DYNC2H1: variants seen among roughly 807,000 people sequenced by gnomAD.
DYNC2H1 encodes the protein cytoplasmic dynein 2 heavy chain 1.
Under a neutral mutation model 570.0 loss-of-function variants are expected in DYNC2H1, and 410 were observed. That is an observed-to-expected ratio of 0.72 (90% CI 0.66 to 0.78). DYNC2H1 has a LOEUF of 0.78. DYNC2H1 is among the 30% of genes least tolerant of loss of function. DYNC2H1 has a pLI of 0.00. For missense variants in DYNC2H1, 4,865 were observed against 5,046.4 expected (o/e 0.96, Z 1.09); for synonymous variants, 1,688 against 1,677.6 (o/e 1.01, Z -0.15).
chr11:103,210,577 A>C (rs187266481), intron 53 of DYNC2H1, among the ~76,000 whole-genome samples: 3 of 152,046 alleles, frequency 2.0e-5, no homozygotes, highest in Admixed American at 6.6e-5. Flanking sequence ...TATAAACATA[A>C]ATTTCTGATA....
intron 84 of DYNC2H1, among the ~76,000 whole-genome samples, chr11:103,426,074 G>T (rs974408381): frequency 3.3e-5 from 5 of 151,074 alleles, no homozygotes; most frequent in African/African-American, 1.2e-4. Flanking sequence ...ATGGCTTAAG[G>T]CGTTCCTAAA....
At chr11:103,448,389 C>T (rs771379777) in intron 85 of DYNC2H1, among the ~76,000 whole-genome samples, 1 of 152,118 alleles carries the variant, frequency 6.6e-6, no homozygotes, top group Non-Finnish European at 1.5e-5. Flanking sequence ...ACAGGAAAAT[C>T]TTATCCCATT....
chr11:103,281,236 C>G (rs1261340451), intron 71 of DYNC2H1, among the ~76,000 whole-genome samples: 1 of 152,090 alleles, frequency 6.6e-6, no homozygotes, highest in African/African-American at 2.4e-5. Flanking sequence ...TCCACATGCA[C>G]TGACATGTAT....
chr11:103,347,784 A>G (rs550634367), intron 82 of DYNC2H1, among the ~76,000 whole-genome samples: 4 of 152,154 alleles, frequency 2.6e-5, no homozygotes, highest in Admixed American at 2.6e-4. Context: ...CTTGCGGGGG[A>G]GGCAGCATCC....
intron 82 of DYNC2H1, among the ~76,000 whole-genome samples, chr11:103,329,285 G>A (rs1037464943): frequency 9.2e-5 from 14 of 151,800 alleles, no homozygotes; most frequent in Admixed American, 9.2e-4. Flanking sequence ...AGCTTTAAAA[G>A]AGAGTCTTCA....
At chr11:103,192,530 G>A (rs1565383626) in intron 47 of DYNC2H1, among the ~76,000 whole-genome samples, 2 of 151,378 alleles carry the variant, frequency 1.3e-5, no homozygotes, top group Admixed American at 1.3e-4. Context: ...TTTAATAAAA[G>A]TTTTTTTTTG....
chr11:103,193,615 C>T (rs1862404410), intron 47 of DYNC2H1, among the ~76,000 whole-genome samples: 1 of 151,768 alleles, frequency 6.6e-6, no homozygotes, highest in Non-Finnish European at 1.5e-5. Flanking sequence ...GCAATCTCGG[C>T]CCACCGCAAC....
intron 82 of DYNC2H1, among the ~76,000 whole-genome samples, chr11:103,352,098 A>G (rs1940082488): frequency 6.6e-6 from 1 of 152,126 alleles, no homozygotes; most frequent in African/African-American, 2.4e-5. Flanking sequence ...CTTTAAAAGT[A>G]GAATTTTAAA....
rs1591424656 is a variant in DYNC2H1 at position 103,216,701 on chromosome 11, A to G, written c.8832+843A>G. 1.3e-5 allele frequency among the ~76,000 whole-genome samples: 2 copies of G among 151,964 alleles called. 1 individual carries two copies. Among genetic ancestry groups the G allele is most frequent in the South Asian group, 4.1e-4 (2 of 4,830 alleles). Reference sequence around the variant, plus strand: ...CAGCTACTCAGGAGGCTGAGGTAGGAGGATTGCTTGAGTTTGAGAGGCAGA... The same window carrying G: ...CAGCTACTCAGGAGGCTGAGGTAGGGGGATTGCTTGAGTTTGAGAGGCAGA... On this transcript the variant is annotated intron_variant, in intron 55 of 88. Coordinates refer to ENST00000375735, the MANE Select transcript of DYNC2H1 (RefSeq NM_001377.3).
chr11:103,155,486 A>C lies in DYNC2H1; in HGVS notation c.3729A>C (p.Lys1243Asn). ...LLRVADTIVA[K>N]AADLKDLNSR... ...GAGTAGCTGATACAATTGTAGCCAA[A>C]GCTGCCGACCTTAAAGTATGAATCA... The change falls in exon 25 of 89, where the codon AAA becomes AAC. Residue 1243 changes from lysine to asparagine, a missense_variant. Around this residue, in one of 5 missense-constraint regions of DYNC2H1, gnomAD observed 1,936 missense variants for 1,962.1 expected, o/e 0.99. Transcript: ENST00000375735. The C allele has an allele frequency of 1.2e-6, 2 of 1,609,328 alleles. No homozygotes were observed. Among genetic ancestry groups the C allele is most frequent in the Non-Finnish European group, 1.7e-6 (2 of 1,178,062 alleles).
At chr11:103,354,910 T>C (rs1299803151) in intron 82 of DYNC2H1, among the ~76,000 whole-genome samples, 1 of 151,942 alleles carries the variant, frequency 6.6e-6, no homozygotes, top group Non-Finnish European at 1.5e-5. Flanking sequence ...ATATGAGAAG[T>C]ATTGTCTTTC....
intron 83 of DYNC2H1, among the ~76,000 whole-genome samples, chr11:103,396,924 G>C (rs184050558): frequency 3.0e-4 from 45 of 152,222 alleles, no homozygotes; most frequent in Non-Finnish European, 5.7e-4. Flanking sequence ...GCTAAACAAT[G>C]GGTACACATG....
Position 103,231,308 on chromosome 11 carries a change from TA to T in DYNC2H1, c.9404del (p.Asn3135IlefsTer28). 6.2e-7 allele frequency: 1 copy of T among 1,607,620 alleles called. No individual in the cohort carries two copies. Among genetic ancestry groups the T allele is most frequent in the Non-Finnish European group, 8.5e-7 (1 of 1,177,188 alleles). On this transcript the variant is annotated frameshift_variant, in exon 60 of 89. Transcript: ENST00000375735. LOFTEE classifies it high-confidence loss of function. ...DRKRKLEELLNSVGQKVSELK... is the reference protein window; with the variant it reads ...DRKRKLEELLXSVGQKVSELK... ...GAAAAAGGAAACTAGAGGAGCTTCT[TA>T]ATTCTGTTGGTCAAAAGGTATCAGA...
chr11:103,342,366 C>T (rs550390059), intron 82 of DYNC2H1, among the ~76,000 whole-genome samples: 11 of 152,174 alleles, frequency 7.2e-5, no homozygotes, highest in East Asian at 5.8e-4. Flanking sequence ...AGGACATGGG[C>T]GGGGACAAAT....
In DYNC2H1 at chr11:103,152,260, G is replaced by A. The variant is rs1591323612; in HGVS notation, c.3071G>A (p.Ser1024Asn). The change falls in exon 21 of 89, where the codon AGT becomes AAT. Residue 1024 changes from serine to asparagine, a missense_variant. Ser to Asn is a conservative substitution (Grantham distance 46). Around this residue, in one of 5 missense-constraint regions of DYNC2H1, gnomAD observed 1,936 missense variants for 1,962.1 expected, o/e 0.99. Transcript: ENST00000375735. ...GATAAATTTGAGTTAATGATGGAAAGTCACCAACTTATGATTAAAGACCAG... is the reference window on the plus strand; with the variant it reads ...GATAAATTTGAGTTAATGATGGAAAATCACCAACTTATGATTAAAGACCAG... ...KWDKFELMME[S>N]HQLMIKDQIE... The A allele has an allele frequency of 1.2e-6, 2 of 1,604,314 alleles. No individual in the cohort carries two copies. The highest frequency in any genetic ancestry group is 1.7e-6 in the Non-Finnish European group (2 of 1,176,996).
chr11:103,220,939 A>T (rs974991322), intron 57 of DYNC2H1, among the ~76,000 whole-genome samples, 156 bp downstream of exon 57: 1 of 152,154 alleles, frequency 6.6e-6, no homozygotes, highest in Non-Finnish European at 1.5e-5. Context: ...CTATGTAATC[A>T]TATATCAAGA....
rs1555090192 is a variant in DYNC2H1, at chr11:103,286,344, G to A, written c.10980G>A (p.Glu3660=). 5 of 1,613,606 alleles carry A rather than the reference G, an allele frequency of 3.1e-6. No individual in the cohort carries two copies. Among genetic ancestry groups the A allele is most frequent in the Non-Finnish European group, 4.2e-6 (5 of 1,179,752 alleles). ...TYYNNSMCEQ[E]FPSILAKKVS... is the part of the protein sequence containing the mutation. ...ATAATAATTCAATGTGTGAGCAAGA[G>A]TTTCCATCTATCCTTGCAAAGAAAG... Residue 3660 remains glutamate (E), a synonymous_variant, in exon 74 of 89, where the codon GAG becomes GAA. Transcript: ENST00000375735.
intron 87 of DYNC2H1, among the ~76,000 whole-genome samples, chr11:103,459,971 A>C (rs1280117432): frequency 1.0e-4 from 15 of 149,006 alleles, no homozygotes; most frequent in African/African-American, 3.7e-4. Flanking sequence ...AAAAAAAAGA[A>C]AAAAAAAAAA....
At chr11:103,469,197 A>G (rs1406930131) in intron 88 of DYNC2H1, among the ~76,000 whole-genome samples, 1 of 152,254 alleles carries the variant, frequency 6.6e-6, no homozygotes. Flanking sequence ...GCTTTGTATC[A>G]CACAATGTCA....
Sources: gnomAD v4.1 joint callset for allele counts (sites outside exome capture counted in the v4.1 genomes callset) on GRCh38, gnomAD v4.1.1 for gene constraint, gnomAD v4.1.1 regional missense constraint, MANE v1.5 for transcripts, NCBI Gene and HGNC (gene_info 2026-07-23, HGNC 2026-07-21) for gene names.